Variants in ADGRL3 observed in about 807,000 individuals in gnomAD.
ADGRL3 encodes calcium-independent alpha-latrotoxin receptor 3.
In ADGRL3, 62 loss-of-function variants were observed where a neutral mutation model predicts 153.5. The observed-to-expected ratio is 0.40, with a 90% CI of 0.33 to 0.50. ADGRL3 has a LOEUF of 0.50. Among genes scored for constraint, ADGRL3 ranks in the 20% least tolerant of loss-of-function variants. The pLI is 0.47. For missense variants in ADGRL3, 1,641 were observed against 1,859.4 expected (o/e 0.88, Z 2.16); for synonymous variants, 710 against 672.5 (o/e 1.06, Z -0.86).
In ADGRL3 at chr4:61,200,523, C is replaced by CGCT. The variant is rs956646345; in HGVS notation, c.-1474_-1472dup. Among the ~76,000 whole-genome samples the CGCT allele has an allele frequency of 2.6e-5, 4 of 151,268 alleles. No homozygotes were observed. The highest frequency in any genetic ancestry group is 2.6e-4 in the Admixed American group (4 of 15,228). ...TGGGCGCCGCCGCCGCCGCCGCCGC[C>CGCT]GCTGCTGCTGGTTTTTCTCGGACTG... On this transcript the variant is annotated 5_prime_UTR_variant, in exon 1 of 27. Coordinates refer to ENST00000683033, the MANE Select transcript of ADGRL3 (RefSeq NM_001387552.1).
intron 1 of ADGRL3, among the ~76,000 whole-genome samples, chr4:61,342,429 C>T (rs184251658): frequency 1.1e-4 from 16 of 152,074 alleles, no homozygotes; most frequent in African/African-American, 2.9e-4. Flanking sequence ...AGAGAAATGC[C>T]GTACAGATAC....
At position 61,438,020 on chromosome 4, in the gene ADGRL3, C is replaced by T. The variant is rs113671887; in HGVS notation, c.-174+54831C>T. ...AACAGAATTTTATTATTGATTTCCT[C>T]AGGTTTGTGTACCTTGTTTTTCCTG... is the stretch of plus-strand genomic sequence containing the variant. On this transcript the variant is annotated intron_variant, in intron 2 of 26. Coordinates refer to ENST00000683033, the MANE Select transcript of ADGRL3 (RefSeq NM_001387552.1). Among the ~76,000 whole-genome samples the T allele has an allele frequency of 6.5e-3, 990 of 152,264 alleles. 11 individuals carry two copies. Among genetic ancestry groups the T allele is most frequent in the African/African-American group, 0.022 (921 of 41,566 alleles).
chr4:61,446,934 G>C (rs1399680322), intron 2 of ADGRL3, among the ~76,000 whole-genome samples: 1 of 152,128 alleles, frequency 6.6e-6, no homozygotes, highest in Non-Finnish European at 1.5e-5. Context: ...GGATCCCTGA[G>C]TAGCTGTCTA....
chr4:62,020,988 T>C (rs968355836), intron 21 of ADGRL3, among the ~76,000 whole-genome samples: 2 of 152,102 alleles, frequency 1.3e-5, no homozygotes, highest in African/African-American at 4.8e-5. Flanking sequence ...TTATATAAAC[T>C]GAGGCCCTTT....
intron 2 of ADGRL3, among the ~76,000 whole-genome samples, chr4:61,433,537 T>C (rs1473483917): frequency 2.6e-5 from 4 of 152,232 alleles, no homozygotes; most frequent in Non-Finnish European, 4.4e-5. Flanking sequence ...ATCATATTTC[T>C]TGCTCTTCCT....
chr4:61,785,421 G>A (rs2097265276), intron 8 of ADGRL3, among the ~76,000 whole-genome samples: 1 of 152,118 alleles, frequency 6.6e-6, no homozygotes, highest in African/African-American at 2.4e-5. Flanking sequence ...TGTAAAGTAG[G>A]TGGCACTGCT....
intron 9 of ADGRL3, among the ~76,000 whole-genome samples, chr4:61,818,927 C>G (rs1364088966): frequency 6.6e-6 from 1 of 151,828 alleles, no homozygotes; most frequent in East Asian, 1.9e-4. Context: ...TACAAATTAC[C>G]AAAATAACAA....
chr4:61,577,150 TTGTG>T (rs150685671), intron 4 of ADGRL3, among the ~76,000 whole-genome samples: 3 of 147,172 alleles, frequency 2.0e-5, no homozygotes, highest in African/African-American at 5.0e-5. Context: ...CAGTGAATAA[TTGTG>T]TGTGTGTGTG....
chr4:61,836,124 C>T (rs6551658), intron 9 of ADGRL3, among the ~76,000 whole-genome samples: 47,218 of 151,980 alleles, frequency 0.31, 8,937 homozygotes, highest in East Asian at 0.62. Flanking sequence ...TGAAGAATAT[C>T]TCATCTAAAA....
Position 62,070,624 on chromosome 4 carries a change from G to T in ADGRL3, c.4348G>T (p.Asp1450Tyr). Reference protein sequence around the residue: ...HTEDLQSPHRDSLYTSMPTLA... With the variant: ...HTEDLQSPHRYSLYTSMPTLA... ...AGAAGATCTCCAGTCACCCCATAGA[G>T]ACTCTCTCTATACCAGCATGCCGAC... Residue 1450 changes from aspartate (D) to tyrosine (Y), a missense_variant, in exon 27 of 27, where the codon GAC becomes TAC. By Grantham distance (160) the Asp-to-Tyr change is radical (BLOSUM62 -3). This residue lies in a region of ADGRL3 where 517 missense variants were observed against 555.0 expected (regional missense o/e 0.93). Coordinates refer to ENST00000683033, the MANE Select transcript of ADGRL3 (RefSeq NM_001387552.1). 6.4e-7 allele frequency: 1 copy of T among 1,551,544 alleles called. No individual in the cohort carries two copies. The highest frequency in any genetic ancestry group is 8.7e-7 in the Non-Finnish European group (1 of 1,147,000).
At chr4:61,805,505 G>A (rs933045082) in intron 8 of ADGRL3, among the ~76,000 whole-genome samples, 6 of 152,068 alleles carry the variant, frequency 3.9e-5, no homozygotes, top group African/African-American at 1.4e-4. Context: ...GGTTCTAGAG[G>A]CAAATTTTCT....
At chr4:61,279,813 C>A (rs887543910) in intron 1 of ADGRL3, among the ~76,000 whole-genome samples, 11 of 152,024 alleles carry the variant, frequency 7.2e-5, no homozygotes, top group African/African-American at 2.4e-4. Flanking sequence ...ATATCAAGTG[C>A]GTTATTCTTA....
At chr4:61,916,288 T>C (rs1269398967) in intron 13 of ADGRL3, among the ~76,000 whole-genome samples, 1 of 152,184 alleles carries the variant, frequency 6.6e-6, no homozygotes, top group East Asian at 1.9e-4. Context: ...TAATTTTAGA[T>C]TTGTGTTGAG....
intron 25 of ADGRL3, among the ~76,000 whole-genome samples, chr4:62,065,482 A>C (rs1318803051): frequency 1.3e-5 from 2 of 152,034 alleles, no homozygotes; most frequent in Non-Finnish European, 2.9e-5. Context: ...GACAAGTGAC[A>C]GGTAATTGTG....
intron 2 of ADGRL3, among the ~76,000 whole-genome samples, chr4:61,387,303 C>T (rs998255252): frequency 2.6e-5 from 4 of 152,078 alleles, no homozygotes; most frequent in East Asian, 1.9e-4. Flanking sequence ...ACCACAGGAC[C>T]GAGGTGAAGT....
At chr4:61,656,378 T>C (rs1316157576) in intron 5 of ADGRL3, among the ~76,000 whole-genome samples, 1 of 151,976 alleles carries the variant, frequency 6.6e-6, no homozygotes, top group Non-Finnish European at 1.5e-5. Flanking sequence ...GGGTGAAATA[T>C]ACAAAAGCCA....
At chr4:61,373,362 A>T (rs1040186747) in intron 1 of ADGRL3, among the ~76,000 whole-genome samples, 2 of 152,224 alleles carry the variant, frequency 1.3e-5, no homozygotes, top group Admixed American at 1.3e-4. Flanking sequence ...TTGAAATAGT[A>T]TCCTAGAGAA....
chr4:61,734,419 A>G (rs1254435690), intron 8 of ADGRL3, among the ~76,000 whole-genome samples: 1 of 152,154 alleles, frequency 6.6e-6, no homozygotes, highest in East Asian at 1.9e-4. Flanking sequence ...TGGCTAAGGA[A>G]GCCTCAGGAA....
At chr4:61,838,403 G>A (rs2097970016) in intron 9 of ADGRL3, among the ~76,000 whole-genome samples, 1 of 152,156 alleles carries the variant, frequency 6.6e-6, no homozygotes, top group African/African-American at 2.4e-5. Context: ...ATGTTTATAG[G>A]ATTTCTCATG....
Sources: allele counts gnomAD v4.1 joint callset (sites outside exome capture counted in the v4.1 genomes callset), GRCh38; gene constraint gnomAD v4.1.1; regional missense constraint gnomAD v4.1.1; transcripts MANE v1.5; gene names NCBI Gene and HGNC (gene_info 2026-07-23, HGNC 2026-07-21).